The following PCOLCE2 variants were observed in gnomAD, a reference collection of about 807,000 sequenced individuals.
PCOLCE2 encodes the protein procollagen C-proteinase enhancer 2.
PCOLCE2 carries 42 observed loss-of-function variants against 47.0 expected under a neutral mutation model. The ratio of observed to expected loss-of-function variants is 0.89; its 90% confidence interval spans 0.70 to 1.16. The LOEUF is 1.16. PCOLCE2 is among the 50% of genes most tolerant of loss of function. PCOLCE2 has a pLI of 0.00. For synonymous variants in PCOLCE2, 169 were observed against 191.7 expected (o/e 0.88, Z 0.98); for missense variants, 500 against 526.1 (o/e 0.95, Z 0.49).
At chr3:142,841,074 CA>C (rs59679467) in intron 4 of PCOLCE2, among the ~76,000 whole-genome samples, 126 of 93,592 alleles carry the variant, frequency 1.3e-3, no homozygotes, top group Non-Finnish European at 1.3e-3. Context: ...GACTCCGTCT[CA>C]AAAAAAAAAA....
chr3:142,870,727 A>C (rs991872651), intron 2 of PCOLCE2, among the ~76,000 whole-genome samples: 1 of 94,188 alleles, frequency 1.1e-5, no homozygotes, highest in Non-Finnish European at 2.0e-5. Context: ...TTTTTTTTTT[A>C]CTATATACTG....
intron 2 of PCOLCE2, among the ~76,000 whole-genome samples, chr3:142,866,463 C>T (rs1204793764): frequency 6.6e-6 from 1 of 152,024 alleles, no homozygotes; most frequent in Non-Finnish European, 1.5e-5. Context: ...TTCTCAGCCT[C>T]TATAATTGCA....
At chr3:142,827,785 C>T (rs1221417468) in intron 6 of PCOLCE2, 12 of 611,358 alleles carry the variant, frequency 2.0e-5, no homozygotes, top group African/African-American at 9.3e-5. Flanking sequence ...CCCGTGTACC[C>T]CTACGCATGG....
chr3:142,822,234 G>A (rs539758445), intron 7 of PCOLCE2, among the ~76,000 whole-genome samples: 1 of 151,978 alleles, frequency 6.6e-6, no homozygotes, highest in African/African-American at 2.4e-5. Flanking sequence ...TTTTTTACCA[G>A]CCTTGTCCTT....
rs531241560 is a variant in PCOLCE2, at chr3:142,827,031, A to C, written c.865+2661T>G. On this transcript the variant is annotated intron_variant, in intron 6 of 8. Coordinates refer to ENST00000295992, the MANE Select transcript of PCOLCE2 (RefSeq NM_013363.4). ...CTCGTTCTTGATCATTGTTTCAACTATCTATATATTGATGACTCTTACTTT... is the reference window on the plus strand; with the variant it reads ...CTCGTTCTTGATCATTGTTTCAACTCTCTATATATTGATGACTCTTACTTT... 1.1e-5 allele frequency: 9 copies of C among 828,780 alleles called. 1 individual carries two copies. Among genetic ancestry groups the C allele is most frequent in the South Asian group, 7.3e-5 (5 of 68,692 alleles). The allele number at this position is 828,780 out of a possible 1,614,324, so 51.3% of individuals were successfully genotyped here. A position where few individuals can be genotyped will look rare whatever the true frequency, so the allele number is the denominator to read the frequency against.
rs966308104 is a variant in PCOLCE2 at position 142,842,870 on chromosome 3, C to T, written c.573+54G>A. 1.3e-6 allele frequency: 2 copies of T among 1,594,770 alleles called. No individual in the cohort carries two copies. The highest frequency in any genetic ancestry group is 2.7e-5 in the African/African-American group (2 of 74,636). ...GGCTCTTGAGAGTTGGTGGGCCCCC[C>T]ACACTGGGCAATTCACACATGCATG... On this transcript the variant is annotated intron_variant, in intron 4 of 8. Transcript: ENST00000295992. The surrounding 1 kb of genome is among the most constrained non-coding windows in gnomAD (Gnocchi z 4.1).
At chr3:142,835,823 T>A (rs1433743226) in intron 5 of PCOLCE2, among the ~76,000 whole-genome samples, 1 of 152,014 alleles carries the variant, frequency 6.6e-6, no homozygotes, top group Non-Finnish European at 1.5e-5. Context: ...TTTAAAAAAA[T>A]TTTACAGATG....
At chr3:142,877,305 A>T (rs1933518642) in intron 2 of PCOLCE2, among the ~76,000 whole-genome samples, 1 of 152,174 alleles carries the variant, frequency 6.6e-6, no homozygotes, top group South Asian at 2.1e-4. Flanking sequence ...TGATCTTATG[A>T]AAGATCATAT....
intron 2 of PCOLCE2, among the ~76,000 whole-genome samples, chr3:142,873,072 C>A (rs187526402): frequency 6.6e-6 from 1 of 152,146 alleles, no homozygotes; most frequent in Admixed American, 6.6e-5. Context: ...ATATTACTTA[C>A]ATTTTCATAA....
intron 2 of PCOLCE2, among the ~76,000 whole-genome samples, chr3:142,867,919 G>A (rs528389940): frequency 2.0e-5 from 3 of 152,284 alleles, no homozygotes; most frequent in Admixed American, 6.5e-5. Context: ...CTGTGACTTC[G>A]TCTTGGTTTC....
chr3:142,851,834 T>C (rs1477550054), intron 2 of PCOLCE2, among the ~76,000 whole-genome samples: 1 of 152,162 alleles, frequency 6.6e-6, no homozygotes, highest in African/African-American at 2.4e-5. Context: ...GGCAGGTTCT[T>C]GGTTCTCTGA....
intron 1 of PCOLCE2, 169 bp downstream of exon 1, chr3:142,888,645 C>T (rs1457684): frequency 2.2e-6 from 1 of 447,056 alleles, no homozygotes; most frequent in Non-Finnish European, 4.0e-6. Context: ...CCCGAAGTCC[C>T]GGGCTTAGCC....
intron 8 of PCOLCE2, among the ~76,000 whole-genome samples, chr3:142,819,248 G>A (rs898332014): frequency 7.9e-5 from 12 of 152,148 alleles, no homozygotes; most frequent in Non-Finnish European, 2.9e-5. Flanking sequence ...TGGGGCCTGA[G>A]GTGTTGGGTA....
At chr3:142,827,384 T>C (rs1228071642) in intron 6 of PCOLCE2, 3 of 1,554,514 alleles carry the variant, frequency 1.9e-6, no homozygotes, top group East Asian at 4.5e-5. Flanking sequence ...CACAGCTCTG[T>C]TGGCTGAGGA....
chr3:142,887,662 TGC>T lies in PCOLCE2; in HGVS notation c.192+5_192+6del. 7.0e-7 allele frequency: 1 copy of T among 1,421,286 alleles called. No individual in the cohort carries two copies. The highest frequency in any genetic ancestry group is 1.2e-5 in the South Asian group (1 of 86,666). The allele number at this position is 1,421,286 out of a possible 1,614,324, so 88.0% of individuals were successfully genotyped here. ...TCCAGGAGAATACCTTTTTAAAAAA[TGC>T]TTACTGTGATTTTCCAAGTACATTT... is the stretch of plus-strand genomic sequence containing the variant. On this transcript the variant is annotated splice_donor_5th_base_variant and intron_variant, in intron 2 of 8. Transcript: ENST00000295992.
chr3:142,827,142 G>T lies in PCOLCE2; in HGVS notation c.865+2550C>A. 2.1e-6 allele frequency: 3 copies of T among 1,444,754 alleles called. No individual in the cohort carries two copies. The East Asian group carries it at 7.0e-5, about 34-fold the overall frequency. The allele number at this position is 1,444,754 out of a possible 1,614,324, so 89.5% of individuals were successfully genotyped here. On this transcript the variant is annotated intron_variant, in intron 6 of 8. Coordinates refer to ENST00000295992, the MANE Select transcript of PCOLCE2 (RefSeq NM_013363.4). ...AGTCTTGGTTCCCCAGAGACGTCCA[G>T]TCTGGCGGGCAGCAATGAGACCCAT...
rs1936972475 is a variant in PCOLCE2, at chr3:142,818,245, T to C, written c.*90A>G. The C allele has an allele frequency of 1.0e-5, 13 of 1,248,584 alleles. No homozygotes were observed. In the East Asian group the frequency reaches 3.1e-4, roughly 29 times the overall value. The allele number at this position is 1,248,584 out of a possible 1,614,324, so 77.3% of individuals were successfully genotyped here. ...TTTCGGAATCCTCTTTCAGAATATG[T>C]AATTTTATAAGTATTTTTTTTTCTA... On this transcript the variant is annotated 3_prime_UTR_variant, in exon 9 of 9. Coordinates refer to ENST00000295992, the MANE Select transcript of PCOLCE2 (RefSeq NM_013363.4).
chr3:142,846,885 A>C (rs1210258520), intron 3 of PCOLCE2: 1 of 152,174 alleles, frequency 6.6e-6, no homozygotes, highest in Non-Finnish European at 1.5e-5. Context: ...TCCCTTTATA[A>C]ATCCTGAAAC....
At chr3:142,869,081 G>A (rs1367525994) in intron 2 of PCOLCE2, among the ~76,000 whole-genome samples, 2 of 152,024 alleles carry the variant, frequency 1.3e-5, no homozygotes, top group African/African-American at 4.8e-5. Context: ...CACGAGGTCA[G>A]GAGATCGAGA....
Sources: allele counts gnomAD v4.1 joint callset (sites outside exome capture counted in the v4.1 genomes callset), GRCh38; gene constraint gnomAD v4.1.1; non-coding constraint Gnocchi (gnomAD v3.1); transcripts MANE v1.5; gene names NCBI Gene and HGNC (gene_info 2026-07-23, HGNC 2026-07-21).